The following CFAP77 variants were observed in gnomAD, a reference collection of about 807,000 sequenced individuals.
The protein encoded by CFAP77 is cilia- and flagella-associated protein 77.
CFAP77 carries 25 observed loss-of-function variants against 31.1 expected under a neutral mutation model. The observed-to-expected ratio is 0.80, with a 90% confidence interval of 0.59 to 1.12. The LOEUF is 1.12. Ranked by LOEUF, CFAP77 falls within the 50% of genes most tolerant of loss-of-function variation. CFAP77 has a pLI of 0.00. For missense variants in CFAP77, 377 were observed against 397.3 expected, an observed-to-expected ratio of 0.95 and a Z score of 0.44; for synonymous variants, 151 against 159.9, an observed-to-expected ratio of 0.94 and a Z score of 0.42.
chr9:132,537,271 C>G (rs978643260), intron 3 of CFAP77, among the ~76,000 whole-genome samples: 4 of 152,050 alleles, frequency 2.6e-5, no homozygotes, highest in Non-Finnish European at 5.9e-5. Flanking sequence ...GGTGGGGAAT[C>G]AACGTAGCGG....
chr9:132,529,706 A>G (rs1286945515), intron 3 of CFAP77, among the ~76,000 whole-genome samples: 5 of 151,472 alleles, frequency 3.3e-5, no homozygotes, highest in Non-Finnish European at 7.4e-5. Context: ...GGCACCTGTA[A>G]TCCCAGCTAC....
intron 5 of CFAP77, among the ~76,000 whole-genome samples, chr9:132,543,474 C>T (rs573539190): frequency 7.2e-5 from 11 of 152,042 alleles, no homozygotes; most frequent in East Asian, 1.9e-4. Context: ...GCTGTCCGTC[C>T]GCCTTGAGGA....
chr9:132,515,031 C>A (rs1852122049), intron 3 of CFAP77, among the ~76,000 whole-genome samples: 1 of 152,138 alleles, frequency 6.6e-6, no homozygotes, highest in Admixed American at 6.5e-5. Context: ...GGTCCCCTGC[C>A]CGGGAAAGGC....
intron 5 of CFAP77, among the ~76,000 whole-genome samples, chr9:132,543,650 G>T (rs1852684241): frequency 6.6e-6 from 1 of 152,200 alleles, no homozygotes; most frequent in African/African-American, 2.4e-5. Context: ...CAACCAGCAT[G>T]AACTTCCCAC....
chr9:132,449,488 T>C (rs1850787303), intron 1 of CFAP77, among the ~76,000 whole-genome samples: 1 of 152,178 alleles, frequency 6.6e-6, no homozygotes, highest in Non-Finnish European at 1.5e-5. Context: ...CACCTGAGAT[T>C]CATCCATGTT....
rs1391279559 is a variant in CFAP77, at chr9:132,542,264, C to A, written c.631-682C>A. ...TCCAGCCCATCCCCAGCCGCCTACG[C>A]CCCATCCCCTGGCACATCTTAGGAC... On this transcript the variant is annotated intron_variant, in intron 4 of 5. Coordinates refer to ENST00000393216, the MANE Select transcript of CFAP77 (RefSeq NM_001282957.2). Among the ~76,000 whole-genome samples the A allele has an allele frequency of 2.0e-5, 3 of 152,240 alleles. No homozygotes were observed. In the East Asian group the frequency reaches 5.8e-4, roughly 29 times the overall value.
At chr9:132,569,728 CTTT>C (rs558402201) in intron 5 of CFAP77, among the ~76,000 whole-genome samples, 204 of 98,482 alleles carry the variant, frequency 2.1e-3, no homozygotes, top group African/African-American at 8.8e-3. Flanking sequence ...TCTAGCTGCC[CTTT>C]TTTTTTTTTT....
intron 5 of CFAP77, among the ~76,000 whole-genome samples, chr9:132,567,137 C>T (rs1372644820): frequency 6.6e-6 from 1 of 152,192 alleles, no homozygotes; most frequent in Admixed American, 6.5e-5. Context: ...CCACATCAGA[C>T]ACCACAGGTG....
At chr9:132,520,648 A>G (rs1852249235) in intron 3 of CFAP77, among the ~76,000 whole-genome samples, 1 of 152,212 alleles carries the variant, frequency 6.6e-6, no homozygotes, top group African/African-American at 2.4e-5. Context: ...TAATTAAAAG[A>G]TACAGAACAT....
intron 1 of CFAP77, among the ~76,000 whole-genome samples, chr9:132,494,616 G>A (rs898188807): frequency 5.3e-5 from 8 of 152,102 alleles, no homozygotes; most frequent in Non-Finnish European, 1.2e-4. Context: ...GAATTGTTGG[G>A]TTATCGGACA....
chr9:132,514,584 G>A (rs1191104052), intron 3 of CFAP77, among the ~76,000 whole-genome samples: 1 of 152,126 alleles, frequency 6.6e-6, no homozygotes, highest in Non-Finnish European at 1.5e-5. Context: ...TTCACCGAGC[G>A]CTGCCTTCCT....
chr9:132,546,560 A>G (rs1284927470), intron 5 of CFAP77, among the ~76,000 whole-genome samples: 3 of 152,044 alleles, frequency 2.0e-5, no homozygotes, highest in African/African-American at 4.8e-5. Context: ...CTGCACCGAC[A>G]CCGCCAGCCA....
At chr9:132,431,053 C>T (rs892895664) in intron 1 of CFAP77, among the ~76,000 whole-genome samples, 1 of 152,194 alleles carries the variant, frequency 6.6e-6, no homozygotes, top group African/African-American at 2.4e-5. Flanking sequence ...ACCACCATCA[C>T]TGGAAGGTGA....
intron 1 of CFAP77, among the ~76,000 whole-genome samples, chr9:132,496,334 T>C (rs1019429157): frequency 3.9e-5 from 6 of 152,256 alleles, no homozygotes; most frequent in Admixed American, 1.3e-4. Flanking sequence ...TGTGATTTTA[T>C]TTGAGATGTA....
chr9:132,414,408 T>C (rs1461187509), intron 1 of CFAP77, among the ~76,000 whole-genome samples: 3 of 152,152 alleles, frequency 2.0e-5, no homozygotes, highest in African/African-American at 7.2e-5. Context: ...CACACGTTTA[T>C]AACTGTGCAG....
rs1461733416 is a variant in CFAP77 at position 132,536,473 on chromosome 9, A to G, written c.525-1128A>G. 2.0e-5 allele frequency among the ~76,000 whole-genome samples: 3 copies of G among 147,284 alleles called. No homozygotes were observed. The East Asian group carries it at 6.0e-4, about 29-fold the overall frequency. The stretch of plus-strand genomic sequence containing the variant: ...CAGTGACGTGATCTTGGCTCACTGC[A>G]ACATTCATCTCCCAGGTTCAAGCAA... On this transcript the variant is annotated intron_variant, in intron 3 of 5. Coordinates refer to ENST00000393216, the MANE Select transcript of CFAP77 (RefSeq NM_001282957.2).
Position 132,490,710 on chromosome 9 carries a change from A to G in CFAP77, c.196-7985A>G, listed in dbSNP as rs1043397284. Among the ~76,000 whole-genome samples the G allele has an allele frequency of 6.6e-6, 1 of 152,128 alleles. No homozygotes were observed. Among genetic ancestry groups the G allele is most frequent in the Non-Finnish European group, 1.5e-5 (1 of 68,016 alleles). The stretch of plus-strand genomic sequence containing the variant: ...CCCAAAATGCCAATTCAAGATCTGT[A>G]TGTGTCTTTCTTTTCCTGATTACCC... On this transcript the variant is annotated intron_variant, in intron 1 of 5. Coordinates refer to ENST00000393216, the MANE Select transcript of CFAP77 (RefSeq NM_001282957.2). This position sits in a 1 kb window ranked among gnomAD's most constrained non-coding sequence, Gnocchi z 4.6.
chr9:132,449,844 A>G (rs529985326), intron 1 of CFAP77, among the ~76,000 whole-genome samples: 2 of 152,090 alleles, frequency 1.3e-5, no homozygotes, highest in Non-Finnish European at 2.9e-5. Context: ...AATAGTTGGT[A>G]TTGTCAGTCT....
intron 5 of CFAP77, among the ~76,000 whole-genome samples, chr9:132,555,135 A>G (rs1486998075): frequency 6.6e-6 from 1 of 152,214 alleles, no homozygotes; most frequent in East Asian, 1.9e-4. Context: ...TGCCCACAAT[A>G]TGGCATTAAC....
Sources: allele counts gnomAD v4.1 joint callset (sites outside exome capture counted in the v4.1 genomes callset), GRCh38; gene constraint gnomAD v4.1.1; non-coding constraint Gnocchi (gnomAD v3.1); transcripts MANE v1.5; gene names NCBI Gene and HGNC (gene_info 2026-07-23, HGNC 2026-07-21).